The following BABAM2 variants were observed in gnomAD, a reference collection of about 807,000 sequenced individuals.
The protein encoded by BABAM2 is BRISC and BRCA1 A complex member 2, also known as BRISC and BRCA1-A complex member 2.
BABAM2 carries 31 observed loss-of-function variants against 54.7 expected under a neutral mutation model. The observed-to-expected ratio is 0.57, with a 90% CI of 0.43 to 0.77. The LOEUF is 0.77. BABAM2 is among the 30% of genes least tolerant of loss of function. The pLI is 0.00. For missense variants in BABAM2, 364 were observed against 455.8 expected (o/e 0.80, Z 1.83); for synonymous variants, 167 against 162.9 (o/e 1.03, Z -0.19).
intron 10 of BABAM2, among the ~76,000 whole-genome samples, chr2:28,268,381 T>C (rs1685157563): frequency 2.6e-5 from 4 of 152,026 alleles, no homozygotes; most frequent in Admixed American, 2.6e-4. Flanking sequence ...AGGGAGACAA[T>C]GGAGAGAGAG....
intron 6 of BABAM2, among the ~76,000 whole-genome samples, chr2:28,120,199 C>A (rs960281906): frequency 2.6e-5 from 4 of 152,146 alleles, no homozygotes; most frequent in Non-Finnish European, 5.9e-5. Flanking sequence ...ATACTTTTAA[C>A]CTATTTTGAA....
intron 7 of BABAM2, among the ~76,000 whole-genome samples, chr2:28,185,260 C>G (rs1201310454): frequency 6.6e-6 from 1 of 152,124 alleles, no homozygotes; most frequent in Non-Finnish European, 1.5e-5. Context: ...CATCTGCCTT[C>G]AGACAGCCGT....
intron 7 of BABAM2, among the ~76,000 whole-genome samples, chr2:28,136,900 G>C (rs1330121946): frequency 2.6e-5 from 4 of 152,088 alleles, no homozygotes; most frequent in African/African-American, 9.7e-5. Context: ...TTATGAATGA[G>C]TAAGGATATT....
At chr2:28,181,268 T>C (rs1406565608) in intron 7 of BABAM2, among the ~76,000 whole-genome samples, 4 of 152,178 alleles carry the variant, frequency 2.6e-5, no homozygotes, top group African/African-American at 9.6e-5. Context: ...GAAAATGTGG[T>C]ATTTATACAC....
intron 4 of BABAM2, among the ~76,000 whole-genome samples, chr2:27,992,677 C>G (rs879690504): frequency 6.6e-6 from 1 of 152,098 alleles, no homozygotes; most frequent in Non-Finnish European, 1.5e-5. Context: ...TTAAAATAAT[C>G]TAGAAGAAGT....
intron 2 of BABAM2, among the ~76,000 whole-genome samples, chr2:27,926,804 A>G (rs1194795789): frequency 6.6e-6 from 1 of 152,172 alleles, no homozygotes; most frequent in Admixed American, 6.5e-5. Context: ...TCATAAAACT[A>G]TAATTTGTTA....
At chr2:27,991,861 T>G (rs1407808098) in intron 4 of BABAM2, among the ~76,000 whole-genome samples, 1 of 152,222 alleles carries the variant, frequency 6.6e-6, no homozygotes, top group East Asian at 1.9e-4. Flanking sequence ...TTATTTCTCT[T>G]GGATATATTT....
chr2:28,145,714 C>T (rs1671436028), intron 7 of BABAM2, among the ~76,000 whole-genome samples: 1 of 152,098 alleles, frequency 6.6e-6, no homozygotes, highest in African/African-American at 2.4e-5. Context: ...TATCCCACAC[C>T]CTTTGCAGTT....
intron 10 of BABAM2, among the ~76,000 whole-genome samples, chr2:28,255,968 G>C (rs1273299331): frequency 6.6e-6 from 1 of 152,118 alleles, no homozygotes; most frequent in Admixed American, 6.6e-5. Flanking sequence ...GCCTGGCCTA[G>C]CTCAGAAGTT....
chr2:28,316,775 G>T (rs1002779701), intron 11 of BABAM2, among the ~76,000 whole-genome samples: 1 of 152,198 alleles, frequency 6.6e-6, no homozygotes, highest in African/African-American at 2.4e-5. Flanking sequence ...CCACCCACAC[G>T]TGATGGGAAC....
At chr2:28,327,761 C>T (rs1690600771) in intron 11 of BABAM2, among the ~76,000 whole-genome samples, 1 of 152,164 alleles carries the variant, frequency 6.6e-6, no homozygotes, top group Admixed American at 6.5e-5. Context: ...AGGGCCTCTG[C>T]CTGAAGCTGT....
At chr2:28,049,915 C>T (rs765532780) in intron 6 of BABAM2, among the ~76,000 whole-genome samples, 4 of 152,192 alleles carry the variant, frequency 2.6e-5, no homozygotes, top group Non-Finnish European at 5.9e-5. Flanking sequence ...CATTGGCCAG[C>T]CGGCTACCTA....
At chr2:28,137,038 G>T (rs1670607023) in intron 7 of BABAM2, among the ~76,000 whole-genome samples, 3 of 151,836 alleles carry the variant, frequency 2.0e-5, no homozygotes, top group Non-Finnish European at 1.5e-5. Context: ...TATTTTAGAT[G>T]CTTAAAATAT....
At position 28,329,196 on chromosome 2, in the gene BABAM2, G is replaced by C. The variant is rs1257210409; in HGVS notation, c.1089-9254G>C. On this transcript the variant is annotated intron_variant, in intron 11 of 11. Transcript: ENST00000379624. The surrounding 1 kb of genome is among the most constrained non-coding windows in gnomAD (Gnocchi z 4.2). Reference sequence around the variant, plus strand: ...ACCCCTGATAACTTATGCTTCCTGAGCTAGAGGGCAGAGGGGTGGCCGAGA... The same window carrying C: ...ACCCCTGATAACTTATGCTTCCTGACCTAGAGGGCAGAGGGGTGGCCGAGA... 6.6e-6 allele frequency among the ~76,000 whole-genome samples: 1 copy of C among 152,196 alleles called. No homozygotes were observed. The highest frequency in any genetic ancestry group is 6.5e-5 in the Admixed American group (1 of 15,288).
chr2:27,895,857 TTC>T (rs1665257139), intron 2 of BABAM2, among the ~76,000 whole-genome samples: 1 of 152,250 alleles, frequency 6.6e-6, no homozygotes, highest in Non-Finnish European at 1.5e-5. Context: ...TATTTATTTA[TTC>T]AGTTATTTAC....
intron 6 of BABAM2, among the ~76,000 whole-genome samples, chr2:28,087,319 G>A (rs1413418904): frequency 3.3e-5 from 5 of 152,162 alleles, no homozygotes. Context: ...AAGCTGGACA[G>A]ACAGATTTTC....
At chr2:28,169,292 A>G (rs1334191653) in intron 7 of BABAM2, among the ~76,000 whole-genome samples, 2 of 152,214 alleles carry the variant, frequency 1.3e-5, no homozygotes, top group Admixed American at 6.5e-5. Context: ...AGTAGTGCCA[A>G]TATTGGTGGC....
intron 10 of BABAM2, among the ~76,000 whole-genome samples, chr2:28,258,398 T>G (rs1231799924): frequency 1.3e-5 from 2 of 152,076 alleles, no homozygotes; most frequent in African/African-American, 4.8e-5. Context: ...TCACTGACAG[T>G]GTGTGAGAGT....
At chr2:28,267,999 T>G (rs1440081524) in intron 10 of BABAM2, among the ~76,000 whole-genome samples, 3 of 152,220 alleles carry the variant, frequency 2.0e-5, no homozygotes, top group Admixed American at 6.5e-5. Flanking sequence ...AATGACAAAC[T>G]GTATCTATAC....
Sources: gnomAD v4.1 joint callset for allele counts (sites outside exome capture counted in the v4.1 genomes callset) on GRCh38, gnomAD v4.1.1 for gene constraint, Gnocchi (gnomAD v3.1) non-coding constraint, MANE v1.5 for transcripts, NCBI Gene and HGNC (gene_info 2026-07-23, HGNC 2026-07-21) for gene names.